Variants in FRAS1 observed in about 807,000 individuals in gnomAD.
FRAS1 encodes the protein Fraser extracellular matrix complex subunit 1, also known as extracellular matrix organizing protein FRAS1.
In FRAS1, 290 loss-of-function variants were observed where a neutral mutation model predicts 435.2. That is an observed-to-expected ratio of 0.67 (90% CI 0.61 to 0.73). The LOEUF (loss-of-function observed/expected upper bound fraction) is 0.73, where lower values mean the gene tolerates loss of function less well. Among genes scored for constraint, FRAS1 ranks in the 30% least tolerant of loss-of-function variants. FRAS1 has a pLI of 0.00. For missense variants in FRAS1, 4,860 were observed against 5,001.5 expected, an observed-to-expected ratio of 0.97 and a Z score of 0.85; for synonymous variants, 1,800 against 1,851.0, an observed-to-expected ratio of 0.97 and a Z score of 0.71.
intron 14 of FRAS1, among the ~76,000 whole-genome samples, chr4:78,291,369 C>G (rs904358684): frequency 6.6e-6 from 1 of 152,144 alleles, no homozygotes; most frequent in East Asian, 1.9e-4. Context: ...CAACCTAGAT[C>G]CCTCACATAG....
In FRAS1 at chr4:78,464,109, T is replaced by C. The variant is rs1719450869; in HGVS notation, c.6852T>C (p.Asp2284=). 2.5e-6 allele frequency: 4 copies of C among 1,613,506 alleles called. No individual in the cohort carries two copies. Among genetic ancestry groups the C allele is most frequent in the Non-Finnish European group, 2.5e-6 (3 of 1,179,826 alleles). The change falls in exon 48 of 74, where the codon GAT becomes GAC. Residue 2284 remains aspartate, a synonymous_variant. Coordinates refer to ENST00000512123, the MANE Select transcript of FRAS1 (RefSeq NM_025074.7). ...VHSSEAEKHS[D]AFSFTLSDGV... is the part of the protein sequence containing the mutation. ...CTAGTGAGGCTGAGAAACATTCAGA[T>C]GCCTTCAGCTTTACACTGTCTGATG... is the stretch of plus-strand genomic sequence containing the variant.
rs202095663 is a variant in FRAS1, at chr4:78,508,779, G to A, written c.9553G>A (p.Gly3185Arg). The change falls in exon 63 of 74, where the codon GGA (glycine) becomes AGA (arginine). Residue 3185 changes from glycine to arginine, a missense_variant. By Grantham distance (125) the Gly-to-Arg change is moderately radical. Transcript: ENST00000512123. ...YDHVEEVTKE[G>R]VKKSPSPGYP... ...CCATGTGGAAGAAGTTACCAAGGAAGGAGTCAAGAAATCCCCCTCCCCAGG... is the reference window on the plus strand; with the variant it reads ...CCATGTGGAAGAAGTTACCAAGGAAAGAGTCAAGAAATCCCCCTCCCCAGG... 663 of 1,613,730 alleles carry A rather than the reference G, an allele frequency of 4.1e-4. 2 individuals carry two copies. In the African/African-American group the frequency reaches 8.3e-3, roughly 20 times the overall value.
At chr4:78,241,173 G>A (rs1724987922) in intron 3 of FRAS1, among the ~76,000 whole-genome samples, 1 of 152,142 alleles carries the variant, frequency 6.6e-6, no homozygotes, top group Admixed American at 6.5e-5. Flanking sequence ...GGGGCCTTAG[G>A]TAGGCAACAT....
chr4:78,380,205 T>C (rs934616954), intron 27 of FRAS1, among the ~76,000 whole-genome samples: 12 of 152,226 alleles, frequency 7.9e-5, no homozygotes, highest in African/African-American at 2.7e-4. Flanking sequence ...CATTTTCGTT[T>C]TCTCACATAA....
chr4:78,337,818 G>A lies in FRAS1; in HGVS notation c.2422+1G>A, dbSNP rs1412045307. The A allele has an allele frequency of 1.9e-6, 3 of 1,613,716 alleles. No individual in the cohort carries two copies. The highest frequency in any genetic ancestry group is 2.7e-5 in the African/African-American group (2 of 74,908). The stretch of plus-strand genomic sequence containing the variant: ...CTCAACCTCGTGGGATACTGTGCTG[G>A]TGAGTGAAACTCCTGTGGACTCCTC... On this transcript the variant is annotated splice_donor_variant, in intron 20 of 73. Transcript: ENST00000512123. LOFTEE classifies it high-confidence loss of function.
chr4:78,193,593 C>A (rs1481729707), intron 2 of FRAS1, among the ~76,000 whole-genome samples: 1 of 152,102 alleles, frequency 6.6e-6, no homozygotes, highest in Non-Finnish European at 1.5e-5. Flanking sequence ...AGGATTGCAA[C>A]CCCTGTCTTT....
rs367860092 is a variant in FRAS1, at chr4:78,540,811, C to T, written c.11726C>T (p.Ala3909Val). 2.9e-5 allele frequency: 47 copies of T among 1,613,904 alleles called. No individual in the cohort carries two copies. The highest frequency in any genetic ancestry group is 3.8e-5 in the Non-Finnish European group (45 of 1,179,836). Residue 3909 changes from alanine to valine, a missense_variant, in exon 74 of 74, where the codon GCC (alanine) becomes GTC (valine). Transcript: ENST00000512123. Reference sequence around the variant, plus strand: ...CAGACTGGGGCGTCCATTGGCAGTGCCCTGGCTGCAATCATGCTTCTACTT... The same window carrying T: ...CAGACTGGGGCGTCCATTGGCAGTGTCCTGGCTGCAATCATGCTTCTACTT... ...LSQTGASIGS[A>V]LAAIMLLLLV...
At chr4:78,380,243 A>G (rs1379570887) in intron 27 of FRAS1, among the ~76,000 whole-genome samples, 2 of 152,214 alleles carry the variant, frequency 1.3e-5, no homozygotes, top group Non-Finnish European at 2.9e-5. Flanking sequence ...ATGCGACAGA[A>G]AAGTCCTGAT....
chr4:78,095,122 C>T (rs576343249), intron 2 of FRAS1, among the ~76,000 whole-genome samples: 1 of 152,256 alleles, frequency 6.6e-6, no homozygotes, highest in African/African-American at 2.4e-5. Context: ...ATGCTTAAAA[C>T]TTGTCCGGTT....
At chr4:78,208,159 TA>T (rs1203314923) in intron 2 of FRAS1, among the ~76,000 whole-genome samples, 1 of 152,084 alleles carries the variant, frequency 6.6e-6, no homozygotes, top group Non-Finnish European at 1.5e-5. Context: ...CGGAGCCTGA[TA>T]GACCAACTGG....
chr4:78,535,212 C>T (rs765514980), intron 71 of FRAS1, among the ~76,000 whole-genome samples: 1 of 152,182 alleles, frequency 6.6e-6, no homozygotes, highest in African/African-American at 2.4e-5. Flanking sequence ...CTGCCCCTTC[C>T]GTGTTAGTGT....
intron 2 of FRAS1, among the ~76,000 whole-genome samples, chr4:78,111,703 G>T (rs1228551899): frequency 3.2e-5 from 4 of 124,600 alleles, no homozygotes; most frequent in Non-Finnish European, 4.8e-5. Flanking sequence ...GTATACATAT[G>T]TAACTAACCT....
intron 14 of FRAS1, among the ~76,000 whole-genome samples, chr4:78,289,341 T>C (rs570657767): frequency 6.6e-6 from 1 of 152,080 alleles, no homozygotes; most frequent in East Asian, 1.9e-4. Context: ...ATATTTTGCA[T>C]GATTAAACTG....
intron 20 of FRAS1, among the ~76,000 whole-genome samples, chr4:78,346,978 CATTTCTAT>C (rs1367553001): frequency 1.3e-5 from 2 of 152,128 alleles, no homozygotes; most frequent in Non-Finnish European, 2.9e-5. Context: ...CTTAAATCTT[CATTTCTAT>C]TTTCTCCTTA....
At chr4:78,296,291 C>T (rs950802585) in intron 14 of FRAS1, among the ~76,000 whole-genome samples, 1 of 151,700 alleles carries the variant, frequency 6.6e-6, no homozygotes, top group Non-Finnish European at 1.5e-5. Flanking sequence ...CAAGCACTTA[C>T]GAGTTTTCAG....
At position 78,318,909 on chromosome 4, in the gene FRAS1, A is replaced by G. The variant is rs345513; in HGVS notation, c.2060A>G (p.Asp687Gly). 0.4 allele frequency: 642,500 copies of G among 1,613,426 alleles called. 129,031 individuals are homozygous for G. The highest frequency in any genetic ancestry group is 0.48 in the African/African-American group (36,039 of 74,926). ...GGACTGCAAGTGGAGCAGCTGTCTG[A>G]CGTGGGCATCCCCTCTGGCGAGTGT... Reference protein sequence around the residue: ...EEGLQVEQLSDVGIPSGECLA... With the variant: ...EEGLQVEQLSGVGIPSGECLA... Residue 687 changes from aspartate to glycine, a missense_variant, in exon 18 of 74, where the codon GAC (aspartate) becomes GGC (glycine). Asp to Gly is a moderately conservative substitution (Grantham distance 94). Transcript: ENST00000512123.
At chr4:78,147,379 T>C (rs1720461476) in intron 2 of FRAS1, among the ~76,000 whole-genome samples, 1 of 152,206 alleles carries the variant, frequency 6.6e-6, no homozygotes, top group South Asian at 2.1e-4. Context: ...TCACATAGGC[T>C]TCAGAATCAG....
intron 31 of FRAS1, among the ~76,000 whole-genome samples, chr4:78,410,799 A>G (rs1266464033): frequency 6.6e-6 from 1 of 152,206 alleles, no homozygotes; most frequent in Non-Finnish European, 1.5e-5. Flanking sequence ...CCAAAAATGC[A>G]TTTTGAACAC....
chr4:78,449,083 A>C (rs887086457), intron 44 of FRAS1, among the ~76,000 whole-genome samples: 2 of 152,238 alleles, frequency 1.3e-5, no homozygotes, highest in South Asian at 4.1e-4. Context: ...ATAAGCTAAT[A>C]AACTATCCTG....
Sources: allele counts gnomAD v4.1 joint callset (sites outside exome capture counted in the v4.1 genomes callset), GRCh38; gene constraint gnomAD v4.1.1; transcripts MANE v1.5; gene names NCBI Gene and HGNC (gene_info 2026-07-23, HGNC 2026-07-21).